The following MICAL2 variants were observed in gnomAD, a reference collection of about 807,000 sequenced individuals.
The protein encoded by MICAL2 is [F-actin]-monooxygenase MICAL2.
Under a neutral mutation model 127.3 loss-of-function variants are expected in MICAL2, and 77 were observed. The observed-to-expected ratio is 0.60, with a 90% CI of 0.50 to 0.73. MICAL2 has a LOEUF of 0.73. Among genes scored for constraint, MICAL2 ranks in the 30% least tolerant of loss-of-function variants. The probability of loss-of-function intolerance (pLI) is 0.00; values close to 1 mark genes in which losing one functional copy is unlikely to be tolerated. For missense variants in MICAL2, 1,351 were observed against 1,434.4 expected (o/e 0.94, Z 0.94); for synonymous variants, 570 against 551.1 (o/e 1.03, Z -0.48).
chr11:12,304,197 T>A (rs1228218557), intron 29 of MICAL2, among the ~76,000 whole-genome samples: 3 of 152,244 alleles, frequency 2.0e-5, no homozygotes, highest in Non-Finnish European at 4.4e-5. Context: ...ACAACACTGT[T>A]ACAGAAGCCT....
chr11:12,287,052 C>A, intron 2 of MICAL2: 1 of 398,908 alleles, frequency 2.5e-6, no homozygotes, highest in South Asian at 1.3e-4. Flanking sequence ...CTCTTCCTCC[C>A]ACCCCATCTT....
intron 31 of MICAL2, among the ~76,000 whole-genome samples, chr11:12,326,016 T>C (rs924383628): frequency 2.0e-5 from 3 of 152,178 alleles, no homozygotes; most frequent in African/African-American, 7.2e-5. Flanking sequence ...CTATTTCAGA[T>C]TTTATGTTGG....
intron 32 of MICAL2, among the ~76,000 whole-genome samples, chr11:12,338,391 G>A (rs879722479): frequency 4.7e-4 from 71 of 152,270 alleles, no homozygotes; most frequent in Admixed American, 1.7e-3. Context: ...ACACTGATGG[G>A]TCTTGACTCT....
downstream of MICAL2, among the ~76,000 whole-genome samples, chr11:12,295,367 T>C (rs1863973327): frequency 6.6e-6 from 1 of 151,454 alleles, no homozygotes; most frequent in Non-Finnish European, 1.5e-5. Flanking sequence ...CTTAAACTCC[T>C]GGCCTCAGGT....
intron 3 of MICAL2, among the ~76,000 whole-genome samples, chr11:12,192,794 G>A (rs1427911519): frequency 1.3e-5 from 2 of 151,996 alleles, no homozygotes. Context: ...TAAAATAAAG[G>A]ATTCCTCCTG....
At chr11:12,133,390 C>T (rs1004878820) in intron 1 of MICAL2, among the ~76,000 whole-genome samples, 3 of 152,232 alleles carry the variant, frequency 2.0e-5, no homozygotes, top group African/African-American at 4.8e-5. Context: ...CCATTTTTTC[C>T]ATTTAAAACC....
chr11:12,139,717 C>T (rs1852165442), intron 2 of MICAL2, among the ~76,000 whole-genome samples: 1 of 152,218 alleles, frequency 6.6e-6, no homozygotes, highest in Admixed American at 6.5e-5. Flanking sequence ...GCCTGAGAAA[C>T]TGTCCCCTCT....
intron 34 of MICAL2, among the ~76,000 whole-genome samples, chr11:12,357,409 AAGAAGGTCAGGTACTCG>A (rs1334170567): frequency 2.0e-5 from 3 of 152,190 alleles, no homozygotes; most frequent in Admixed American, 6.5e-5. Flanking sequence ...GCCAATTATC[AAGAAGGTCAGGTACTCG>A]AGAAGACAAA....
intron 8 of MICAL2, 101 bp downstream of exon 8, chr11:12,216,420 G>A: frequency 1.1e-6 from 1 of 889,194 alleles, no homozygotes; most frequent in Non-Finnish European, 1.8e-6. Flanking sequence ...TGAGCGAGGG[G>A]AGGAGGGGGG....
chr11:12,342,251 C>A (rs145866388), intron 32 of MICAL2, among the ~76,000 whole-genome samples: 1 of 152,312 alleles, frequency 6.6e-6, no homozygotes. Context: ...AGAGTCCCAG[C>A]CATGCCCTGA....
At chr11:12,276,328 A>G (rs889863892) in intron 1 of MICAL2, 4 of 396,506 alleles carry the variant, frequency 1.0e-5, no homozygotes, top group Admixed American at 4.4e-5. Flanking sequence ...TCTCAGAGGG[A>G]GTGGTAAGAT....
chr11:12,288,731 A>T (rs1863857659), downstream of MICAL2, among the ~76,000 whole-genome samples: 1 of 152,178 alleles, frequency 6.6e-6, no homozygotes, highest in Admixed American at 6.5e-5. Flanking sequence ...TGGACTGCGT[A>T]CAAAGGGAGG....
At chr11:12,307,015 G>A (rs764463367) in intron 29 of MICAL2, among the ~76,000 whole-genome samples, 6 of 152,196 alleles carry the variant, frequency 3.9e-5, no homozygotes, top group Non-Finnish European at 7.4e-5. Flanking sequence ...TGCATGTTGA[G>A]TTTTATTTTT....
Position 12,321,166 on chromosome 11 carries a change from G to A in MICAL2, c.5328+1355G>A, listed in dbSNP as rs1025616046. On this transcript the variant is annotated intron_variant, in intron 30 of 34. Coordinates refer to the MICAL2 transcript ENST00000646065. ...TGTTCTCCTGCTGGCCCAGAACAGA[G>A]CCCGCCATCACGTCAGCTTGCCAGG... Among the ~76,000 whole-genome samples, 11 of 152,250 alleles carry A rather than the reference G, an allele frequency of 7.2e-5. No individual in the cohort carries two copies. The South Asian group carries it at 2.1e-3, about 29-fold the overall frequency.
chr11:12,354,472 C>CAAA (rs11296730), intron 33 of MICAL2, among the ~76,000 whole-genome samples: 8 of 133,808 alleles, frequency 6.0e-5, no homozygotes, highest in Non-Finnish European at 8.0e-5. Context: ...ACTCTGTCTC[C>CAAA]AAAAAAAAAA....
intron 3 of MICAL2, among the ~76,000 whole-genome samples, chr11:12,180,349 A>ATATATATATATATATATATAT (rs11403732): frequency 7.2e-4 from 101 of 139,690 alleles, no homozygotes; most frequent in Admixed American, 8.3e-4. Flanking sequence ...ATATGTATAT[A>ATATATATATATATATATATAT]TTTTTTTTTT....
At chr11:12,132,424 T>C (rs568518201) in intron 1 of MICAL2, among the ~76,000 whole-genome samples, 1 of 152,246 alleles carries the variant, frequency 6.6e-6, no homozygotes, top group South Asian at 2.1e-4. Context: ...TGAAACCAAA[T>C]CATGCCCTCA....
chr11:12,151,857 A>G (rs1362646569), intron 2 of MICAL2, among the ~76,000 whole-genome samples: 5 of 152,192 alleles, frequency 3.3e-5, no homozygotes, highest in Non-Finnish European at 7.4e-5. Context: ...GAGCTAGCTC[A>G]TCTCCACAAC....
At chr11:12,210,888 T>C (rs1215336315) in intron 6 of MICAL2, among the ~76,000 whole-genome samples, 1 of 152,170 alleles carries the variant, frequency 6.6e-6, no homozygotes, top group Non-Finnish European at 1.5e-5. Context: ...TTCAGCAGCA[T>C]CCCTGGCCTC....
Sources: allele counts gnomAD v4.1 joint callset (sites outside exome capture counted in the v4.1 genomes callset), GRCh38; gene constraint gnomAD v4.1.1; transcripts MANE v1.5; gene names NCBI Gene and HGNC (gene_info 2026-07-23, HGNC 2026-07-21).